ERBB4: variants seen among roughly 807,000 people sequenced by gnomAD.
ERBB4 encodes the protein receptor tyrosine-protein kinase erbB-4.
A neutral mutation model predicts 158.0 loss-of-function variants in ERBB4; 42 were observed. The observed-to-expected ratio is 0.27, with a 90% CI of 0.21 to 0.34. The LOEUF (loss-of-function observed/expected upper bound fraction) is 0.34. Among genes scored for constraint, ERBB4 ranks in the 10% least tolerant of loss-of-function variants. The pLI, the probability that ERBB4 is intolerant of heterozygous loss-of-function variation, is 1.00. For missense variants in ERBB4, 1,333 were observed against 1,624.1 expected, an observed-to-expected ratio of 0.82 and a Z score of 3.08; for synonymous variants, 583 against 558.7, an observed-to-expected ratio of 1.04 and a Z score of -0.61.
chr2:212,341,840 T>A (rs1010355428), intron 1 of ERBB4, among the ~76,000 whole-genome samples: 1 of 152,148 alleles, frequency 6.6e-6, no homozygotes, highest in African/African-American at 2.4e-5. Flanking sequence ...AGGGAACCAG[T>A]AGGTATAGAT....
chr2:211,886,760 T>C (rs917525147), intron 3 of ERBB4, among the ~76,000 whole-genome samples: 2 of 152,122 alleles, frequency 1.3e-5, no homozygotes, highest in African/African-American at 4.8e-5. Context: ...TCTTCTCTTA[T>C]TTCCATGTCA....
intron 3 of ERBB4, among the ~76,000 whole-genome samples, chr2:211,840,084 C>A (rs554140495): frequency 0.034 from 5,145 of 152,040 alleles, 131 homozygotes; most frequent in Middle Eastern, 0.065. Flanking sequence ...TGTGTACCTA[C>A]CCAAATCTCA....
At chr2:212,328,649 G>A (rs1183734720) in intron 1 of ERBB4, among the ~76,000 whole-genome samples, 1 of 151,950 alleles carries the variant, frequency 6.6e-6, no homozygotes, top group Non-Finnish European at 1.5e-5. Flanking sequence ...ATACCATATA[G>A]TATGTAGGCT....
At chr2:211,791,135 A>G (rs2076271215) in intron 3 of ERBB4, among the ~76,000 whole-genome samples, 1 of 151,944 alleles carries the variant, frequency 6.6e-6, no homozygotes, top group South Asian at 2.1e-4. Flanking sequence ...GTTCTTAGAG[A>G]TACAAATTAT....
intron 1 of ERBB4, among the ~76,000 whole-genome samples, chr2:212,260,946 G>C (rs4555288): frequency 0.091 from 13,812 of 152,140 alleles, 2,007 homozygotes; most frequent in African/African-American, 0.31. Flanking sequence ...TAACGGCCTA[G>C]ATATAGATAT....
chr2:212,198,342 T>G (rs763193595), intron 1 of ERBB4, among the ~76,000 whole-genome samples: 3 of 152,190 alleles, frequency 2.0e-5, no homozygotes, highest in Non-Finnish European at 4.4e-5. Context: ...AAACTGAAAC[T>G]GTCTGCCTAT....
At chr2:211,965,100 T>C (rs2081276670) in intron 2 of ERBB4, among the ~76,000 whole-genome samples, 1 of 152,200 alleles carries the variant, frequency 6.6e-6, no homozygotes, top group South Asian at 2.1e-4. Context: ...GTATAACTAA[T>C]TGCCTCTGCA....
chr2:211,457,392 A>C (rs578191969), intron 20 of ERBB4, among the ~76,000 whole-genome samples: 1 of 152,314 alleles, frequency 6.6e-6, no homozygotes, highest in African/African-American at 2.4e-5. Context: ...CATTTGATGA[A>C]GTATCATATG....
chr2:211,480,129 T>C (rs903412285), intron 20 of ERBB4, among the ~76,000 whole-genome samples: 13 of 152,176 alleles, frequency 8.5e-5, no homozygotes, highest in African/African-American at 2.9e-4. Flanking sequence ...TCTTGTTACA[T>C]GCAAAAACTT....
At position 212,343,635 on chromosome 2, in the gene ERBB4, C is replaced by T. The variant is rs184981352; in HGVS notation, c.82+194814G>A. Among the ~76,000 whole-genome samples, 5 of 152,276 alleles carry T rather than the reference C, an allele frequency of 3.3e-5. No homozygotes were observed. The East Asian group carries it at 5.8e-4, about 18-fold the overall frequency. On this transcript the variant is annotated intron_variant, in intron 1 of 27. Transcript: ENST00000342788. ...CAGTCATCTTATTCTAAACACATCA[C>T]TTCAGCAGAATTCCTCACAAAAACA... is the stretch of plus-strand genomic sequence containing the variant.
intron 5 of ERBB4, among the ~76,000 whole-genome samples, chr2:211,741,449 T>TTA (rs890899335): frequency 3.4e-5 from 2 of 58,340 alleles, no homozygotes; most frequent in South Asian, 7.5e-4. Flanking sequence ...ATATATGTAG[T>TTA]TATACACACA....
chr2:212,101,551 T>A (rs961939047), intron 2 of ERBB4, among the ~76,000 whole-genome samples: 38 of 151,686 alleles, frequency 2.5e-4, no homozygotes, highest in Non-Finnish European at 3.5e-4. Context: ...TATCCCTAGA[T>A]AAATAATATT....
At chr2:212,215,535 G>A (rs2083072048) in intron 1 of ERBB4, among the ~76,000 whole-genome samples, 1 of 151,214 alleles carries the variant, frequency 6.6e-6, no homozygotes, top group South Asian at 2.1e-4. Flanking sequence ...GCATGAAATA[G>A]AAATAATAAC....
At chr2:211,424,654 T>C (rs2063586366) in intron 22 of ERBB4, among the ~76,000 whole-genome samples, 1 of 152,160 alleles carries the variant, frequency 6.6e-6, no homozygotes, top group Non-Finnish European at 1.5e-5. Context: ...TCATCTACTA[T>C]ATATACATAT....
chr2:212,529,701 A>G (rs1158913507), intron 1 of ERBB4, among the ~76,000 whole-genome samples: 1 of 152,228 alleles, frequency 6.6e-6, no homozygotes, highest in Non-Finnish European at 1.5e-5. Flanking sequence ...CAGAGTATAA[A>G]AACATTGGTA....
Position 211,739,840 on chromosome 2 carries a change from T to C in ERBB4, c.622+10799A>G, listed in dbSNP as rs564482785. On this transcript the variant is annotated intron_variant, in intron 5 of 27. Coordinates refer to ENST00000342788, the MANE Select transcript of ERBB4 (RefSeq NM_005235.3). The stretch of plus-strand genomic sequence containing the variant: ...AAGAAAGCATTGGTAATTGATTAAA[T>C]ATAGTTAAAAATATAGCTTAATTTT... 2.6e-5 allele frequency among the ~76,000 whole-genome samples: 4 copies of C among 152,262 alleles called. No homozygotes were observed. In the South Asian group the frequency reaches 6.2e-4, roughly 24 times the overall value.
At chr2:212,246,066 C>T (rs949926667) in intron 1 of ERBB4, among the ~76,000 whole-genome samples, 3 of 152,010 alleles carry the variant, frequency 2.0e-5, no homozygotes, top group African/African-American at 7.2e-5. Context: ...CTATGGGAGC[C>T]GGCTTAGATA....
At chr2:212,039,153 G>A (rs559645925) in intron 2 of ERBB4, among the ~76,000 whole-genome samples, 170 of 152,176 alleles carry the variant, frequency 1.1e-3, no homozygotes, top group African/African-American at 3.7e-3. Flanking sequence ...GCCTGAAAAT[G>A]AAAGAAGTAA....
intron 3 of ERBB4, among the ~76,000 whole-genome samples, chr2:211,946,576 C>CTCTTTTT (rs1469968699): frequency 4.8e-4 from 24 of 49,588 alleles, no homozygotes; most frequent in East Asian, 3.8e-3. Context: ...AATTAGCTCT[C>CTCTTTTT]TTTTTTTTTT....
Sources: allele counts gnomAD v4.1 joint callset (sites outside exome capture counted in the v4.1 genomes callset), GRCh38; gene constraint gnomAD v4.1.1; transcripts MANE v1.5; gene names NCBI Gene and HGNC (gene_info 2026-07-23, HGNC 2026-07-21).